P4HTM: variants seen among roughly 807,000 people sequenced by gnomAD.
The protein encoded by P4HTM is transmembrane prolyl 4-hydroxylase.
Under a neutral mutation model 55.3 loss-of-function variants are expected in P4HTM, and 33 were observed. The ratio of observed to expected loss-of-function variants is 0.60; its 90% CI spans 0.45 to 0.80. The LOEUF (loss-of-function observed/expected upper bound fraction) is 0.80, where lower values mean the gene tolerates loss of function less well. Ranked by LOEUF, P4HTM falls within the 30% of genes least tolerant of loss-of-function variation. The probability of loss-of-function intolerance (pLI) is 0.00; values close to 1 mark genes in which losing one functional copy is unlikely to be tolerated. For synonymous variants in P4HTM, 272 were observed against 286.4 expected (o/e 0.95, Z 0.51); for missense variants, 542 against 696.5 (o/e 0.78, Z 2.50).
chr3:49,001,572 C>T lies in P4HTM; in HGVS notation c.571C>T (p.Leu191=), dbSNP rs139608844. Residue 191 remains leucine (L), a synonymous_variant, in exon 3 of 9, where the codon CTG becomes TTG. Transcript: ENST00000383729. ...AATGAGCACTATGCAGGTCAGCCAG[C>T]TGGACCTCTTCCGGCTGCTGGACCA... ...EAMSTMQVSQ[L]DLFRLLDQNR... is the part of the protein sequence containing the mutation. 11 of 1,613,660 alleles carry T rather than the reference C, an allele frequency of 6.8e-6. No homozygotes were observed. The highest frequency in any genetic ancestry group is 9.3e-6 in the Non-Finnish European group (11 of 1,179,948).
Position 48,998,270 on chromosome 3 carries a change from T to C in P4HTM, c.437-3168T>C, listed in dbSNP as rs78753293. 3.9e-5 allele frequency: 6 copies of C among 152,450 alleles called. No homozygotes were observed. The East Asian group carries it at 1.2e-3, about 29-fold the overall frequency. 9.4% of individuals were successfully genotyped at this position (152,450 alleles called of 1,614,324 possible). On this transcript the variant is annotated intron_variant, in intron 2 of 8. Coordinates refer to ENST00000383729, the MANE Select transcript of P4HTM (RefSeq NM_177939.3). The stretch of plus-strand genomic sequence containing the variant: ...GGAAGCGTCCACAATGCAGGATGGC[T>C]GGCCAGGGGTAGCTGTAGCAGGCCA...
At chr3:49,005,890 C>T in intron 7 of P4HTM, 23 bp downstream of exon 7, 12 of 1,533,498 alleles carry the variant, frequency 7.8e-6, no homozygotes, top group Non-Finnish European at 1.1e-5. Flanking sequence ...TGGGCTATTA[C>T]TCTTGTGGGC....
Position 48,990,548 on chromosome 3 carries a change from C to T in P4HTM, c.292C>T (p.Arg98Cys). ...AAGCAGCGATCCCGGGCCCCAACAC[C>T]GTGCCCAGGGCCCCGGGCCCGAGCC... ...DESSDPGPQHRAQGPGPEPTL... is the reference protein window; with the variant it reads ...DESSDPGPQHCAQGPGPEPTL... Residue 98 changes from arginine (R) to cysteine (C), a missense_variant, in exon 1 of 9, where the codon CGT (arginine) becomes TGT (cysteine). Arg to Cys is a radical substitution (Grantham distance 180, BLOSUM62 -3). Around this residue, in one of 2 missense-constraint regions of P4HTM, gnomAD observed 536 missense variants for 672.1 expected, o/e 0.80. Coordinates refer to ENST00000383729, the MANE Select transcript of P4HTM (RefSeq NM_177939.3). This position sits in a 1 kb window ranked among gnomAD's most constrained non-coding sequence, Gnocchi z 7.2. The T allele has an allele frequency of 6.2e-7, 1 of 1,610,076 alleles. No homozygotes were observed. Among genetic ancestry groups the T allele is most frequent in the Non-Finnish European group, 8.5e-7 (1 of 1,178,988 alleles).
Position 48,990,591 on chromosome 3 carries a change from C to G in P4HTM, c.335C>G (p.Thr112Ser), listed in dbSNP as rs1451603377. 3.8e-6 allele frequency: 6 copies of G among 1,598,322 alleles called. No individual in the cohort carries two copies. The highest frequency in any genetic ancestry group is 5.1e-6 in the Non-Finnish European group (6 of 1,173,326). The change falls in exon 1 of 9, where the codon ACC becomes AGC. Residue 112 changes from threonine (T) to serine (S), a missense_variant. Physicochemically the swap from Thr to Ser is moderately conservative, Grantham distance 58. Transcript: ENST00000383729. The surrounding 1 kb of genome is among the most constrained non-coding windows in gnomAD (Gnocchi z 7.2). ...CCCGAGCCCACCTTAGGTCCCCTCA[C>G]CCGGCTGGAGGGCATCAAGGTGAGG... Reference protein sequence around the residue: ...PGPEPTLGPLTRLEGIKVGHE... With the variant: ...PGPEPTLGPLSRLEGIKVGHE...
intron 4 of P4HTM, 162 bp from the exon 5 acceptor site, chr3:49,003,936 T>G: frequency 1.6e-6 from 1 of 627,780 alleles, no homozygotes. Context: ...GAAACCAGGT[T>G]CATCTGACCC....
At chr3:49,003,976 G>A in intron 4 of P4HTM, 122 bp from the exon 5 acceptor site, 1 of 895,434 alleles carries the variant, frequency 1.1e-6, no homozygotes, top group Non-Finnish European at 1.7e-6. Context: ...AAGTGTACAA[G>A]GCCCCTCAGT....
At chr3:48,993,011 T>C (rs923790249) in intron 2 of P4HTM, among the ~76,000 whole-genome samples, 14 of 151,852 alleles carry the variant, frequency 9.2e-5, no homozygotes, top group Admixed American at 3.3e-4. Context: ...CTGAAAAAAA[T>C]ATTTGAGCAA....
intron 6 of P4HTM, chr3:49,005,352 C>G: frequency 2.1e-6 from 3 of 1,420,270 alleles, no homozygotes; most frequent in Non-Finnish European, 1.8e-6. Context: ...GCCCATTCCT[C>G]CAGGTGTTGA....
intron 2 of P4HTM, chr3:49,001,108 C>A: frequency 7.5e-6 from 3 of 400,908 alleles, no homozygotes; most frequent in Non-Finnish European, 9.4e-6. Context: ...CAAGCCTCTG[C>A]CCTTCAGGAT....
At chr3:49,001,313 C>T (rs1576606334) in intron 2 of P4HTM, 125 bp from the exon 3 acceptor site, 1 of 822,434 alleles carries the variant, frequency 1.2e-6, no homozygotes, top group Non-Finnish European at 2.1e-6. Context: ...TAAAATCCTC[C>T]ATCCTCCAGA....
intron 2 of P4HTM, among the ~76,000 whole-genome samples, chr3:48,994,072 A>C (rs2092938588): frequency 6.6e-6 from 1 of 152,162 alleles, no homozygotes; most frequent in African/African-American, 2.4e-5. Flanking sequence ...GAGAGGGAAG[A>C]GGGTGGTCAT....
chr3:48,994,652 G>T (rs2092940297), intron 2 of P4HTM, among the ~76,000 whole-genome samples: 1 of 152,178 alleles, frequency 6.6e-6, no homozygotes, highest in Non-Finnish European at 1.5e-5. Context: ...CAGAACAGAA[G>T]TGCTCCATTT....
chr3:49,001,738 C>T, intron 3 of P4HTM, 110 bp downstream of exon 3: 2 of 938,838 alleles, frequency 2.1e-6, no homozygotes, highest in Non-Finnish European at 1.6e-6. Flanking sequence ...TCAGATACTA[C>T]CCAGACCTGC....
At chr3:48,990,185 G>A, upstream of P4HTM, 1 of 1,099,836 alleles carries the variant, frequency 9.1e-7, no homozygotes, top group Non-Finnish European at 1.1e-6. This position sits in a 1 kb window ranked among gnomAD's most constrained non-coding sequence, Gnocchi z 7.2. Context: ...CCTGGCGGCC[G>A]TTGTCCGGGC....
chr3:49,006,143 A>G lies in P4HTM; in HGVS notation c.1244A>G (p.Gln415Arg). 6.2e-7 allele frequency: 1 copy of G among 1,612,810 alleles called. No individual in the cohort carries two copies. Among genetic ancestry groups the G allele is most frequent in the Non-Finnish European group, 8.5e-7 (1 of 1,179,892 alleles). Residue 415 changes from glutamine (Q) to arginine (R), a missense_variant, in exon 8 of 9, where the codon CAG becomes CGG. By Grantham distance (43) the Gln-to-Arg change is conservative. Transcript: ENST00000383729. ...GGAAACCTGCGTGTCAAGCCCCAAC[A>G]GGGCACAGCAGTCTTCTGGTACAAC... is the stretch of plus-strand genomic sequence containing the variant. ...DKGNLRVKPQ[Q>R]GTAVFWYNYL...
In P4HTM at chr3:49,002,771, A is replaced by C; in HGVS notation, c.724+175A>C. The C allele has an allele frequency of 2.9e-6, 2 of 696,312 alleles. No individual in the cohort carries two copies. The highest frequency in any genetic ancestry group is 5.2e-6 in the Non-Finnish European group (2 of 381,100). The allele number at this position is 696,312 out of a possible 1,614,324, so 43.1% of individuals were successfully genotyped here. A position where few individuals can be genotyped will look rare whatever the true frequency, so the allele number is the denominator to read the frequency against. On this transcript the variant is annotated intron_variant, in intron 4 of 8. Transcript: ENST00000383729. The surrounding 1 kb of genome is among the most constrained non-coding windows in gnomAD (Gnocchi z 4.4). ...GCCTTGCTTTTTACCCCTGGGAAGT[A>C]GGCAGGCAGCCAGGCCCCCCGTTCC...
chr3:49,005,601 G>A (rs2092975644), intron 6 of P4HTM, 176 bp from the exon 7 acceptor site: 14 of 1,416,608 alleles, frequency 9.9e-6, no homozygotes, highest in Non-Finnish European at 1.2e-5. Context: ...GTAAGAGACT[G>A]GGTTTCGGGG....
In P4HTM at chr3:48,990,520, C is replaced by A; in HGVS notation, c.264C>A (p.Asp88Glu). ...LLLFVHYSNG[D>E]ESSDPGPQHR... ...TCTTCGTGCACTACAGCAACGGCGA[C>A]GAAAGCAGCGATCCCGGGCCCCAAC... is the stretch of plus-strand genomic sequence containing the variant. The change falls in exon 1 of 9, where the codon GAC becomes GAA. Residue 88 changes from aspartate (D) to glutamate (E), a missense_variant. Asp to Glu is a conservative substitution (Grantham distance 45, BLOSUM62 2). This residue lies in a region of P4HTM where 536 missense variants were observed against 672.1 expected (regional missense o/e 0.80). Transcript: ENST00000383729. The surrounding 1 kb of genome is among the most constrained non-coding windows in gnomAD (Gnocchi z 7.2). The A allele has an allele frequency of 6.2e-7, 1 of 1,611,164 alleles. No individual in the cohort carries two copies. Among genetic ancestry groups the A allele is most frequent in the South Asian group, 1.1e-5 (1 of 90,940 alleles).
chr3:48,990,586 C>T lies in P4HTM; in HGVS notation c.330C>T (p.Pro110=), dbSNP rs761957480. 1.5e-4 allele frequency: 240 copies of T among 1,601,150 alleles called. No homozygotes were observed. The highest frequency in any genetic ancestry group is 2.0e-4 in the Non-Finnish European group (235 of 1,174,830). The change falls in exon 1 of 9, where the codon CCC becomes CCT. Residue 110 remains proline, a synonymous_variant. Transcript: ENST00000383729. This position sits in a 1 kb window ranked among gnomAD's most constrained non-coding sequence, Gnocchi z 7.2. ...QGPGPEPTLG[P]LTRLEGIKVG... ...CCGGGCCCGAGCCCACCTTAGGTCC[C>T]CTCACCCGGCTGGAGGGCATCAAGG...
Sources: allele counts gnomAD v4.1 joint callset (sites outside exome capture counted in the v4.1 genomes callset), GRCh38; gene constraint gnomAD v4.1.1; regional missense constraint gnomAD v4.1.1; non-coding constraint Gnocchi (gnomAD v3.1); transcripts MANE v1.5; gene names NCBI Gene and HGNC (gene_info 2026-07-23, HGNC 2026-07-21).